Variants in ECEL1 observed in about 807,000 individuals in gnomAD.
ECEL1 encodes endothelin converting enzyme like 1, also known as endothelin-converting enzyme-like 1.
ECEL1 carries 87 observed loss-of-function variants against 101.8 expected under a neutral mutation model. The ratio of observed to expected loss-of-function variants is 0.85; its 90% confidence interval spans 0.72 to 1.02. ECEL1 has a LOEUF of 1.02. Ranked by LOEUF, ECEL1 falls within the 50% of genes least tolerant of loss-of-function variation. ECEL1 has a pLI of 0.00. For missense variants in ECEL1, 1,032 were observed against 1,079.2 expected, an observed-to-expected ratio of 0.96 and a Z score of 0.61; for synonymous variants, 487 against 468.7, an observed-to-expected ratio of 1.04 and a Z score of -0.50.
In ECEL1 at chr2:232,480,824, A is replaced by G. The variant is rs1383720946; in HGVS notation, c.2056-11T>C. 1.9e-6 allele frequency: 3 copies of G among 1,609,894 alleles called. No homozygotes were observed. Among genetic ancestry groups the G allele is most frequent in the Non-Finnish European group, 2.5e-6 (3 of 1,178,266 alleles). On this transcript the variant is annotated splice_polypyrimidine_tract_variant and intron_variant, in intron 15 of 17. Coordinates refer to ENST00000304546, the MANE Select transcript of ECEL1 (RefSeq NM_004826.4). ...CCACTTCTGATAGGCCTGGGGACAC[A>G]GAGAGCATGGACCTGCTATGCCCGC... is the stretch of plus-strand genomic sequence containing the variant.
Position 232,480,445 on chromosome 2 carries a change from T to C in ECEL1, c.2182A>G (p.Ile728Val). Residue 728 changes from isoleucine (I) to valine (V), a missense_variant, in exon 17 of 18, where the codon ATC becomes GTC. Ile to Val is a conservative substitution (Grantham distance 29). Transcript: ENST00000304546. ...NWCIKRRSQS[I>V]YLQVLTDKHA... is the part of the protein sequence containing the mutation. The stretch of plus-strand genomic sequence containing the variant: ...TTGTCAGTCAGCACCTGCAGGTAGA[T>C]GGACTGCGACCGCCGCTTGATGCAC... 1 of 1,613,916 alleles carries C rather than the reference T, an allele frequency of 6.2e-7. No individual in the cohort carries two copies. Among genetic ancestry groups the C allele is most frequent in the Non-Finnish European group, 8.5e-7 (1 of 1,179,960 alleles).
At chr2:232,485,369 T>A in intron 2 of ECEL1, 102 bp from the exon 3 acceptor site, 1 of 1,341,214 alleles carries the variant, frequency 7.5e-7, no homozygotes, top group Admixed American at 2.0e-5. Flanking sequence ...CAGACATCCA[T>A]GAGTACAGCC....
chr2:232,484,148 T>A lies in ECEL1; in HGVS notation c.1260A>T (p.Ala420=). ...SEHLSPPFRE[A]LHELAQEMEG... is the part of the protein sequence containing the mutation. ...CCATCTCCTGTGCCAGCTCGTGCAG[T>A]GCCTCACGGAATGGCGGGGACAGGT... is the stretch of plus-strand genomic sequence containing the variant. Residue 420 remains alanine (A), a synonymous_variant, in exon 7 of 18, where the codon GCA becomes GCT. Transcript: ENST00000304546. 1 of 1,613,734 alleles carries A rather than the reference T, an allele frequency of 6.2e-7. No individual in the cohort carries two copies. The highest frequency in any genetic ancestry group is 1.1e-5 in the South Asian group (1 of 91,082).
rs1287468239 is a variant in ECEL1, at chr2:232,486,165, G to C, written c.489C>G (p.Arg163=). The change falls in exon 2 of 18, where the codon CGC becomes CGG. Residue 163 remains arginine (R), a synonymous_variant. Transcript: ENST00000304546. ...IGEQNEERLR[R]LLARPGGGPG... ...GCCCACCCCCGGGCCGCGCCAGCAG[G>C]CGCCGTAGGCGCTCCTCGTTTTGCT... is the stretch of plus-strand genomic sequence containing the variant. The C allele has an allele frequency of 6.3e-7, 1 of 1,577,610 alleles. No individual in the cohort carries two copies. The highest frequency in any genetic ancestry group is 8.6e-7 in the Non-Finnish European group (1 of 1,167,640).
rs1295780340 is a variant in ECEL1 at position 232,486,497 on chromosome 2, G to A, written c.157C>T (p.Pro53Ser). The change falls in exon 2 of 18, where the codon CCG (proline) becomes TCG (serine). Residue 53 changes from proline to serine, a missense_variant. Coordinates refer to ENST00000304546, the MANE Select transcript of ECEL1 (RefSeq NM_004826.4). ...RSATGARSGL[P>S]RWNRREVCLL... Reference sequence around the variant, plus strand: ...CACACCTCGCGCCGGTTCCAGCGCGGCAGCCCGGACCGGGCCCCGGTGGCG... The same window carrying A: ...CACACCTCGCGCCGGTTCCAGCGCGACAGCCCGGACCGGGCCCCGGTGGCG... 7.1e-7 allele frequency: 1 copy of A among 1,400,804 alleles called. No homozygotes were observed. Among genetic ancestry groups the A allele is most frequent in the Non-Finnish European group, 9.2e-7 (1 of 1,087,156 alleles). The allele number at this position is 1,400,804 out of a possible 1,614,324, so 86.8% of individuals were successfully genotyped here. A position where few individuals can be genotyped will look rare whatever the true frequency, so the allele number is the denominator to read the frequency against.
In ECEL1 at chr2:232,486,051, C is replaced by T. The variant is rs1311950101; in HGVS notation, c.603G>A (p.Met201Ile). ...REIERLGPRPMLEVIEDCGGW... is the reference protein window; with the variant it reads ...REIERLGPRPILEVIEDCGGW... ...CCCCGCAGTCCTCGATGACCTCTAGCATGGGTCGCGGGCCCAGTCGCTCGA... is the reference window on the plus strand; with the variant it reads ...CCCCGCAGTCCTCGATGACCTCTAGTATGGGTCGCGGGCCCAGTCGCTCGA... The change falls in exon 2 of 18, where the codon ATG (methionine) becomes ATA (isoleucine). Residue 201 changes from methionine (M) to isoleucine (I), a missense_variant. Coordinates refer to ENST00000304546, the MANE Select transcript of ECEL1 (RefSeq NM_004826.4). 6.2e-7 allele frequency: 1 copy of T among 1,608,320 alleles called. No individual in the cohort carries two copies. Among genetic ancestry groups the T allele is most frequent in the Non-Finnish European group, 8.5e-7 (1 of 1,178,302 alleles).
rs1690541040 is a variant in ECEL1 at position 232,480,231 on chromosome 2, C to T, written c.2250G>A (p.Gln750=). Residue 750 remains glutamine, a synonymous_variant, in exon 18 of 18, where the codon CAG becomes CAA. Coordinates refer to ENST00000304546, the MANE Select transcript of ECEL1 (RefSeq NM_004826.4). ...EHYRVLGSVS[Q]FEEFGRAFHC... The stretch of plus-strand genomic sequence containing the variant: ...GGAAAGCCCGGCCAAACTCCTCAAA[C>T]TGGGACACACTGCCCAGCACCCTGG... The T allele has an allele frequency of 1.2e-6, 2 of 1,613,912 alleles. No individual in the cohort carries two copies. Among genetic ancestry groups the T allele is most frequent in the African/African-American group, 2.7e-5 (2 of 74,910 alleles).
rs768151688 is a variant in ECEL1, at chr2:232,480,795, G to C, written c.2074C>G (p.Arg692Gly). 1 of 1,613,460 alleles carries C rather than the reference G, an allele frequency of 6.2e-7. No individual in the cohort carries two copies. Among genetic ancestry groups the C allele is most frequent in the Non-Finnish European group, 8.5e-7 (1 of 1,179,820 alleles). Residue 692 changes from arginine (R) to glycine (G), a missense_variant, in exon 16 of 18, where the codon CGG (arginine) becomes GGG (glycine). Arg to Gly is a moderately radical substitution (Grantham distance 125). Coordinates refer to ENST00000304546, the MANE Select transcript of ECEL1 (RefSeq NM_004826.4). ...AGTGGGTGCTCTGGGCCGTGCTCCCGCACCCACTTCTGATAGGCCTGGGGA... is the reference window on the plus strand; with the variant it reads ...AGTGGGTGCTCTGGGCCGTGCTCCCCCACCCACTTCTGATAGGCCTGGGGA... ...LAYHAYQKWV[R>G]EHGPEHPLPR...
chr2:232,485,313 G>T (rs748480750), intron 2 of ECEL1, 46 bp from the exon 3 acceptor site: 4 of 1,599,888 alleles, frequency 2.5e-6, no homozygotes, highest in African/African-American at 1.3e-5. Flanking sequence ...CACACCTCAG[G>T]TTCCCTAAAC....
At chr2:232,483,945 G>A (rs887318952) in intron 7 of ECEL1, 56 bp downstream of exon 7, 1 of 1,536,312 alleles carries the variant, frequency 6.5e-7, no homozygotes, top group Non-Finnish European at 8.8e-7. Context: ...ATGGCCTCGG[G>A]AGGGCTCCAC....
rs771804560 is a variant in ECEL1 at position 232,480,490 on chromosome 2, G to T, written c.2152-15C>A. 6.2e-7 allele frequency: 1 copy of T among 1,613,498 alleles called. No homozygotes were observed. Among genetic ancestry groups the T allele is most frequent in the South Asian group, 1.1e-5 (1 of 91,060 alleles). On this transcript the variant is annotated splice_polypyrimidine_tract_variant and intron_variant, in intron 16 of 17. Transcript: ENST00000304546. ...ATGCACCAGTTCTGGGTCCAGGAGC[G>T]GGGTGGAGGGGAGGAGGGGGAGATG...
chr2:232,483,749 G>A (rs555605948), intron 7 of ECEL1, among the ~76,000 whole-genome samples: 17 of 152,328 alleles, frequency 1.1e-4, no homozygotes, highest in South Asian at 2.1e-4. Flanking sequence ...CACGCCTCCC[G>A]AGCATGCCTG....
chr2:232,484,708 G>A lies in ECEL1; in HGVS notation c.1059+93C>T, dbSNP rs142394391. On this transcript the variant is annotated intron_variant, in intron 5 of 17. Coordinates refer to ENST00000304546, the MANE Select transcript of ECEL1 (RefSeq NM_004826.4). ...ACATGAGAGTCCATGGCCAAGGAAC[G>A]GTTTGCCCATCTCTGGGGAGAGATG... 3,483 of 1,603,176 alleles carry A rather than the reference G, an allele frequency of 2.2e-3. 104 individuals carry two copies. The Admixed American group carries it at 0.054, about 25-fold the overall frequency.
chr2:232,484,111 T>C lies in ECEL1; in HGVS notation c.1297A>G (p.Lys433Glu). The change falls in exon 7 of 18, where the codon AAG becomes GAG. Residue 433 changes from lysine (K) to glutamate (E), a missense_variant. Transcript: ENST00000304546. ...ELAQEMEGSD[K>E]PQELARVCLG... is the part of the protein sequence containing the mutation. ...CAGACCCGGGCCAGCTCCTGTGGCTTGTCGCTGCCCTCCATCTCCTGTGCC... is the reference window on the plus strand; with the variant it reads ...CAGACCCGGGCCAGCTCCTGTGGCTCGTCGCTGCCCTCCATCTCCTGTGCC... 6 of 1,613,792 alleles carry C rather than the reference T, an allele frequency of 3.7e-6. No individual in the cohort carries two copies. The highest frequency in any genetic ancestry group is 5.1e-6 in the Non-Finnish European group (6 of 1,180,026).
At position 232,483,484 on chromosome 2, in the gene ECEL1, T is replaced by G. The variant is rs1055954547; in HGVS notation, c.1438A>C (p.Ile480Leu). 6.2e-7 allele frequency: 1 copy of G among 1,612,044 alleles called. No individual in the cohort carries two copies. Among genetic ancestry groups the G allele is most frequent in the East Asian group, 2.2e-5 (1 of 44,816 alleles). The part of the protein sequence containing the change: ...VQQLVEDIKY[I>L]LGQRLEELDW... ...AGCTCCTCCAGGCGCTGGCCCAGGATGTACTTGATGTCTTCCACTAGCTGC... is the reference window on the plus strand; with the variant it reads ...AGCTCCTCCAGGCGCTGGCCCAGGAGGTACTTGATGTCTTCCACTAGCTGC... The change falls in exon 8 of 18, where the codon ATC becomes CTC. Residue 480 changes from isoleucine to leucine, a missense_variant. Coordinates refer to ENST00000304546, the MANE Select transcript of ECEL1 (RefSeq NM_004826.4).
chr2:232,484,621 T>C, intron 5 of ECEL1, 25 bp from the exon 6 acceptor site: 1 of 1,612,650 alleles, frequency 6.2e-7, no homozygotes, highest in Non-Finnish European at 8.5e-7. Context: ...ACAGGGACAG[T>C]GAGGCTAGGG....
chr2:232,484,667 G>C, intron 5 of ECEL1, 71 bp from the exon 6 acceptor site: 1 of 1,604,966 alleles, frequency 6.2e-7, no homozygotes, highest in Non-Finnish European at 8.5e-7. Flanking sequence ...AGGGGGCAGA[G>C]AGAGGCAGCG....
intron 6 of ECEL1, 57 bp downstream of exon 6, chr2:232,484,415 G>A (rs190171465): frequency 1.2e-6 from 2 of 1,604,226 alleles, no homozygotes; most frequent in African/African-American, 2.7e-5. Flanking sequence ...GAGGTCCAGG[G>A]TGCAGGGGAA....
intron 14 of ECEL1, 81 bp downstream of exon 14, chr2:232,481,425 A>C (rs953693275): frequency 6.5e-7 from 1 of 1,531,420 alleles, no homozygotes; most frequent in Non-Finnish European, 8.8e-7. Flanking sequence ...GGACATGTGC[A>C]CGTGCGCAAG....
Sources: allele counts gnomAD v4.1 joint callset (sites outside exome capture counted in the v4.1 genomes callset), GRCh38; gene constraint gnomAD v4.1.1; transcripts MANE v1.5; gene names NCBI Gene and HGNC (gene_info 2026-07-23, HGNC 2026-07-21).